The following PARN variants were observed in gnomAD, a reference collection of about 807,000 sequenced individuals.
PARN encodes poly(A)-specific ribonuclease.
Under a neutral mutation model 102.8 loss-of-function variants are expected in PARN, and 71 were observed. The ratio of observed to expected loss-of-function variants is 0.69; its 90% CI spans 0.57 to 0.84. PARN has a LOEUF of 0.84. Ranked by LOEUF, PARN falls within the 40% of genes least tolerant of loss-of-function variation. The pLI, the probability that PARN is intolerant of heterozygous loss-of-function variation, is 0.00. For synonymous variants in PARN, 261 were observed against 252.9 expected, an observed-to-expected ratio of 1.03 and a Z score of -0.30; for missense variants, 782 against 760.9, an observed-to-expected ratio of 1.03 and a Z score of -0.33.
At chr16:14,548,211 G>A (rs1240297840) in intron 21 of PARN, among the ~76,000 whole-genome samples, 2 of 150,868 alleles carry the variant, frequency 1.3e-5, no homozygotes, top group African/African-American at 4.9e-5. Flanking sequence ...TCGCACCACT[G>A]CACTCCAGCC....
rs569195980 is a variant in PARN at position 14,468,737 on chromosome 16, T to C, written c.1670+13901A>G. On this transcript the variant is annotated intron_variant, in intron 22 of 23. Transcript: ENST00000437198. ...TTTTATTATGAAAACTTCAAATATATAGAAAGTTTAAAGAACTATACAGTA... is the reference window on the plus strand; with the variant it reads ...TTTTATTATGAAAACTTCAAATATACAGAAAGTTTAAAGAACTATACAGTA... Among the ~76,000 whole-genome samples the C allele has an allele frequency of 6.6e-5, 10 of 152,226 alleles. No homozygotes were observed. The South Asian group carries it at 1.2e-3, about 19-fold the overall frequency.
At chr16:14,438,450 G>C (rs573146592) in intron 23 of PARN, among the ~76,000 whole-genome samples, 7 of 148,834 alleles carry the variant, frequency 4.7e-5, no homozygotes, top group South Asian at 2.1e-4. Flanking sequence ...TTGGGGGGGG[G>C]GGTGTGTGAG....
At chr16:14,515,744 T>C (rs1428181344) in intron 21 of PARN, among the ~76,000 whole-genome samples, 2 of 151,070 alleles carry the variant, frequency 1.3e-5, no homozygotes, top group African/African-American at 4.9e-5. Flanking sequence ...AAGGCCAGCC[T>C]GGGCAATACA....
In PARN at chr16:14,621,412, G is replaced by C. The variant is rs145098349; in HGVS notation, c.328-3762C>G. On this transcript the variant is annotated intron_variant, in intron 5 of 23. Transcript: ENST00000437198. ...TTTCTAATCAAAACAACACTCTTTG[G>C]GTTGTACAATAGTGTCAATGTACTT... Among the ~76,000 whole-genome samples the C allele has an allele frequency of 4.9e-4, 75 of 152,244 alleles. 1 individual carries two copies. The highest frequency in any genetic ancestry group is 3.4e-3 in the Middle Eastern group (1 of 294).
At chr16:14,627,374 T>G (rs1294370609) in intron 3 of PARN, 38 bp from the exon 4 acceptor site, 1 of 1,446,660 alleles carries the variant, frequency 6.9e-7, no homozygotes, top group Non-Finnish European at 9.5e-7. Context: ...ACAAAAGTGC[T>G]GCATATTCCA....
At chr16:14,552,142 A>G in intron 20 of PARN, 47 bp from the exon 21 acceptor site, 1 of 1,199,702 alleles carries the variant, frequency 8.3e-7, no homozygotes, top group African/African-American at 1.5e-5. Context: ...CCATGTGGAG[A>G]GCTATTAGAT....
chr16:14,447,160 C>T, intron 22 of PARN, 79 bp from the exon 23 acceptor site: 1 of 925,196 alleles, frequency 1.1e-6, no homozygotes, highest in African/African-American at 1.7e-5. Flanking sequence ...TTTTAATACT[C>T]TTAATTCTAT....
At chr16:14,452,097 T>G (rs2151563048) in intron 22 of PARN, among the ~76,000 whole-genome samples, 1 of 152,144 alleles carries the variant, frequency 6.6e-6, no homozygotes, top group Non-Finnish European at 1.5e-5. Flanking sequence ...CTCAACATCA[T>G]GTGGCTATTC....
intron 17 of PARN, among the ~76,000 whole-genome samples, chr16:14,581,745 C>T (rs938055325): frequency 5.9e-5 from 9 of 152,092 alleles, no homozygotes; most frequent in Non-Finnish European, 4.4e-5. Context: ...CACAGCAAGA[C>T]CCTGTCTCTA....
chr16:14,470,758 T>C (rs1962691081), intron 22 of PARN, among the ~76,000 whole-genome samples: 1 of 152,116 alleles, frequency 6.6e-6, no homozygotes, highest in African/African-American at 2.4e-5. Flanking sequence ...CTGGCCTGGC[T>C]GAGTTTGAAT....
At chr16:14,478,147 T>C (rs1567306474) in intron 22 of PARN, among the ~76,000 whole-genome samples, 1 of 151,892 alleles carries the variant, frequency 6.6e-6, no homozygotes, top group Non-Finnish European at 1.5e-5. Flanking sequence ...GAGACTCTTG[T>C]CTCTACAAAA....
At chr16:14,616,823 C>T (rs572804431) in intron 6 of PARN, among the ~76,000 whole-genome samples, 2 of 151,976 alleles carry the variant, frequency 1.3e-5, no homozygotes, top group African/African-American at 4.8e-5. Context: ...CATAAACATG[C>T]ACTAGCTGGA....
chr16:14,498,122 CAAAAAAAAAA>C lies in PARN; in HGVS notation c.1481-15305_1481-15296del, dbSNP rs34124932. Among the ~76,000 whole-genome samples the C allele has an allele frequency of 4.5e-4, 20 of 44,910 alleles. No homozygotes were observed. The East Asian group carries it at 0.011, about 24-fold the overall frequency. The allele number at this position is 44,910 out of a possible 152,430, so 29.5% of individuals were successfully genotyped here. ...CTGGCAATAGAGAGAGACTCCATCTCAAAAAAAAAAAAAAAAAAAAAGAATTTACTTATAC... is the reference window on the plus strand; with the variant it reads ...CTGGCAATAGAGAGAGACTCCATCTCAAAAAAAAAAAGAATTTACTTATAC... On this transcript the variant is annotated intron_variant, in intron 21 of 23. Transcript: ENST00000437198.
At chr16:14,619,262 T>C (rs1213589084) in intron 5 of PARN, among the ~76,000 whole-genome samples, 1 of 151,688 alleles carries the variant, frequency 6.6e-6, no homozygotes, top group Admixed American at 6.6e-5. Flanking sequence ...CAAATATATC[T>C]CGAACCTAGC....
At chr16:14,475,877 A>G (rs1239456399) in intron 22 of PARN, among the ~76,000 whole-genome samples, 1 of 152,246 alleles carries the variant, frequency 6.6e-6, no homozygotes, top group Non-Finnish European at 1.5e-5. Flanking sequence ...CAGTTTAAAG[A>G]AAAAGAAAGA....
chr16:14,444,909 C>T (rs1961127538), intron 23 of PARN, among the ~76,000 whole-genome samples: 1 of 152,106 alleles, frequency 6.6e-6, no homozygotes, highest in African/African-American at 2.4e-5. Context: ...AGTCAAAACT[C>T]CTGGGCTCAA....
chr16:14,588,605 C>T (rs1196636257), intron 13 of PARN, among the ~76,000 whole-genome samples: 1 of 152,070 alleles, frequency 6.6e-6, no homozygotes, highest in Non-Finnish European at 1.5e-5. Context: ...AGGCTGGGAG[C>T]GGGTGGCTCA....
intron 13 of PARN, among the ~76,000 whole-genome samples, chr16:14,590,758 T>C (rs1970150397): frequency 6.6e-6 from 1 of 152,090 alleles, no homozygotes; most frequent in Non-Finnish European, 1.5e-5. Flanking sequence ...TAAACAGTGA[T>C]GACAACCTAA....
chr16:14,606,425 C>A, intron 10 of PARN, 59 bp downstream of exon 10: 1 of 931,502 alleles, frequency 1.1e-6, no homozygotes, highest in Non-Finnish European at 1.6e-6. Context: ...AAAAAGAAAC[C>A]CCTAACAGTG....
Sources: gnomAD v4.1 joint callset for allele counts (sites outside exome capture counted in the v4.1 genomes callset) on GRCh38, gnomAD v4.1.1 for gene constraint, MANE v1.5 for transcripts, NCBI Gene and HGNC (gene_info 2026-07-23, HGNC 2026-07-21) for gene names.